Variants in ADARB2 observed in about 807,000 individuals in gnomAD.
ADARB2 encodes the protein inactive double-stranded RNA-specific editase B2.
ADARB2 carries 25 observed loss-of-function variants against 62.2 expected under a neutral mutation model. That is an observed-to-expected ratio of 0.40 (90% CI 0.29 to 0.56). ADARB2 has a LOEUF of 0.56. ADARB2 is among the 20% of genes least tolerant of loss of function. ADARB2 has a pLI of 0.43. For missense variants in ADARB2, 1,071 were observed against 1,077.4 expected, an observed-to-expected ratio of 0.99 and a Z score of 0.08; for synonymous variants, 572 against 500.8, an observed-to-expected ratio of 1.14 and a Z score of -1.90.
chr10:1,256,194 C>T (rs1367215775), intron 4 of ADARB2, among the ~76,000 whole-genome samples: 1 of 152,204 alleles, frequency 6.6e-6, no homozygotes, highest in Non-Finnish European at 1.5e-5. Flanking sequence ...CATCCAGCTC[C>T]AAGCTGTCCT....
intron 1 of ADARB2, among the ~76,000 whole-genome samples, chr10:1,478,476 A>G (rs1831428957): frequency 6.6e-6 from 1 of 152,234 alleles, no homozygotes. Context: ...TCCTAAATCT[A>G]GACACAGACA....
chr10:1,344,724 C>A (rs540045727), intron 3 of ADARB2, among the ~76,000 whole-genome samples: 45 of 152,146 alleles, frequency 3.0e-4, no homozygotes, highest in Non-Finnish European at 3.8e-4. Context: ...GCTGTGACTT[C>A]TGGGACGGGC....
chr10:1,226,398 T>C (rs1830746678), intron 6 of ADARB2, among the ~76,000 whole-genome samples: 1 of 152,278 alleles, frequency 6.6e-6, no homozygotes, highest in Non-Finnish European at 1.5e-5. Context: ...TGAAGCCTTC[T>C]TCTCTGAACT....
chr10:1,331,815 A>T (rs1192249958), intron 3 of ADARB2, among the ~76,000 whole-genome samples: 1 of 152,256 alleles, frequency 6.6e-6, no homozygotes, highest in Non-Finnish European at 1.5e-5. Context: ...TACCTCAGTG[A>T]ATCATCTACA....
intron 1 of ADARB2, among the ~76,000 whole-genome samples, chr10:1,514,977 G>C (rs1438501291): frequency 7.9e-5 from 12 of 151,780 alleles, no homozygotes; most frequent in Non-Finnish European, 2.9e-5. Context: ...AGGGGCGAAA[G>C]AGACAGTAAA....
At chr10:1,510,374 G>T (rs918614834) in intron 1 of ADARB2, among the ~76,000 whole-genome samples, 1 of 151,750 alleles carries the variant, frequency 6.6e-6, no homozygotes, top group African/African-American at 2.4e-5. Flanking sequence ...TAGAGTTGGG[G>T]TCTCACTATG....
intron 1 of ADARB2, among the ~76,000 whole-genome samples, chr10:1,464,927 C>T (rs1831233531): frequency 6.6e-6 from 1 of 152,192 alleles, no homozygotes; most frequent in Admixed American, 6.5e-5. Context: ...CGCTCACACC[C>T]CCTCCAAGAC....
At chr10:1,656,930 A>G (rs915267888) in intron 1 of ADARB2, among the ~76,000 whole-genome samples, 2 of 152,070 alleles carry the variant, frequency 1.3e-5, no homozygotes, top group Non-Finnish European at 2.9e-5. Flanking sequence ...AATTCCTTCA[A>G]AGATAAGATA....
At position 1,509,502 on chromosome 10, in the gene ADARB2, G is replaced by A. The variant is rs370088760; in HGVS notation, c.101-130342C>T. Among the ~76,000 whole-genome samples, 6 of 152,190 alleles carry A rather than the reference G, an allele frequency of 3.9e-5. No individual in the cohort carries two copies. In the East Asian group the frequency reaches 9.6e-4, roughly 24 times the overall value. ...CACCCGGGGACAGAGGTTTAAGCCC[G>A]AGCTGCTACTGTTTTCTTTGCCATT... On this transcript the variant is annotated intron_variant, in intron 1 of 9. Transcript: ENST00000381312.
Position 1,218,302 on chromosome 10 carries a change from C to T in ADARB2, c.1514-1183G>A, listed in dbSNP as rs1230808506. On this transcript the variant is annotated intron_variant, in intron 6 of 9. Transcript: ENST00000381312. ...CTGACCTCAGGTGATCCGCCCACCT[C>T]CGCCTCCCAAAGTGCTGGGATTACA... is the stretch of plus-strand genomic sequence containing the variant. 3.3e-5 allele frequency among the ~76,000 whole-genome samples: 5 copies of T among 152,148 alleles called. No individual in the cohort carries two copies. The East Asian group carries it at 5.8e-4, about 18-fold the overall frequency.
chr10:1,545,741 C>T (rs992384075), intron 1 of ADARB2, among the ~76,000 whole-genome samples: 2 of 152,156 alleles, frequency 1.3e-5, no homozygotes, highest in Non-Finnish European at 2.9e-5. Flanking sequence ...AACAAGGAAG[C>T]CCCAAGGTCA....
intron 1 of ADARB2, among the ~76,000 whole-genome samples, chr10:1,422,756 T>C (rs1325345881): frequency 6.6e-6 from 1 of 152,202 alleles, no homozygotes; most frequent in Non-Finnish European, 1.5e-5. Flanking sequence ...AAGCATAGGC[T>C]GTATACACTG....
In ADARB2 at chr10:1,498,053, G is replaced by T. The variant is rs567099073; in HGVS notation, c.101-118893C>A. Among the ~76,000 whole-genome samples, 8 of 152,290 alleles carry T rather than the reference G, an allele frequency of 5.3e-5. No individual in the cohort carries two copies. In the East Asian group the frequency reaches 1.5e-3, roughly 29 times the overall value. On this transcript the variant is annotated intron_variant, in intron 1 of 9. Coordinates refer to ENST00000381312, the MANE Select transcript of ADARB2 (RefSeq NM_018702.4). The stretch of plus-strand genomic sequence containing the variant: ...GCAGAAACTCTCATTCAGTGCTTGT[G>T]GTGGTATAAGTCAGTAGATGCCTTG...
chr10:1,281,689 G>A (rs1831372725), intron 3 of ADARB2, among the ~76,000 whole-genome samples: 1 of 152,236 alleles, frequency 6.6e-6, no homozygotes, highest in African/African-American at 2.4e-5. Flanking sequence ...AGGGCTGCAT[G>A]GGGAGGATGT....
intron 1 of ADARB2, among the ~76,000 whole-genome samples, chr10:1,608,921 G>A (rs141279158): frequency 1.4e-4 from 22 of 152,282 alleles, no homozygotes; most frequent in African/African-American, 3.8e-4. Context: ...CAGGGTGCCG[G>A]ATGGCCATGC....
intron 1 of ADARB2, among the ~76,000 whole-genome samples, chr10:1,657,809 C>T (rs1428692353): frequency 6.6e-6 from 1 of 152,210 alleles, no homozygotes; most frequent in Non-Finnish European, 1.5e-5. Context: ...CCCTCCCGGT[C>T]TTTCTCTCCT....
intron 8 of ADARB2, among the ~76,000 whole-genome samples, chr10:1,196,579 T>C (rs1032192434): frequency 1.3e-5 from 2 of 152,182 alleles, no homozygotes; most frequent in African/African-American, 4.8e-5. Flanking sequence ...TACAAAATAT[T>C]TTTAAAAGGA....
At chr10:1,497,287 C>G (rs1254931953) in intron 1 of ADARB2, among the ~76,000 whole-genome samples, 1 of 152,172 alleles carries the variant, frequency 6.6e-6, no homozygotes, top group Non-Finnish European at 1.5e-5. Flanking sequence ...TGAGTATGAA[C>G]TAGGGTCTTT....
chr10:1,375,466 C>T (rs1007161064), intron 2 of ADARB2, among the ~76,000 whole-genome samples: 2 of 152,210 alleles, frequency 1.3e-5, no homozygotes, highest in African/African-American at 2.4e-5. Flanking sequence ...GCCTGTTCCC[C>T]GCTCTGCACC....
Sources: gnomAD v4.1 joint callset for allele counts (sites outside exome capture counted in the v4.1 genomes callset) on GRCh38, gnomAD v4.1.1 for gene constraint, MANE v1.5 for transcripts, NCBI Gene and HGNC (gene_info 2026-07-23, HGNC 2026-07-21) for gene names.